The following SCEL variants were observed in gnomAD, a reference collection of about 807,000 sequenced individuals.
The protein encoded by SCEL is sciellin.
A neutral mutation model predicts 117.6 loss-of-function variants in SCEL; 113 were observed. The ratio of observed to expected loss-of-function variants is 0.96; its 90% CI spans 0.83 to 1.12. The LOEUF is 1.12. SCEL is among the 50% of genes most tolerant of loss of function. The pLI is 0.00. For synonymous variants in SCEL, 270 were observed against 256.2 expected (o/e 1.05, Z -0.51); for missense variants, 785 against 810.8 (o/e 0.97, Z 0.39).
intron 27 of SCEL, among the ~76,000 whole-genome samples, chr13:77,626,040 C>A (rs2089714415): frequency 6.6e-6 from 1 of 152,046 alleles, no homozygotes; most frequent in Non-Finnish European, 1.5e-5. Flanking sequence ...TCTCATGCTG[C>A]CAATAAAGAC....
chr13:77,615,841 A>G (rs1015544246), intron 24 of SCEL, among the ~76,000 whole-genome samples: 2 of 152,084 alleles, frequency 1.3e-5, no homozygotes, highest in African/African-American at 4.8e-5. Context: ...TATGTTTTCT[A>G]AGCTAATGTT....
intron 13 of SCEL, among the ~76,000 whole-genome samples, chr13:77,598,433 C>G (rs1160428685): frequency 6.6e-6 from 1 of 152,186 alleles, no homozygotes; most frequent in Non-Finnish European, 1.5e-5. Context: ...TGCTGCTCTT[C>G]AGTTTCCTCA....
In SCEL at chr13:77,559,871, T is replaced by C; in HGVS notation, c.221+8T>C. 1.2e-6 allele frequency: 2 copies of C among 1,609,162 alleles called. No homozygotes were observed. The highest frequency in any genetic ancestry group is 1.7e-6 in the Non-Finnish European group (2 of 1,175,656). On this transcript the variant is annotated splice_region_variant and intron_variant, in intron 4 of 32. Transcript: ENST00000349847. ...CCATGATGCATTGGACAGGTGGGTG[T>C]TTAGACATGTTACATCATGAGCAGA...
At chr13:77,580,033 G>A (rs1341140714) in intron 9 of SCEL, among the ~76,000 whole-genome samples, 1 of 152,200 alleles carries the variant, frequency 6.6e-6, no homozygotes, top group Non-Finnish European at 1.5e-5. Flanking sequence ...TGTTATGTGG[G>A]AAAATGTCTT....
chr13:77,570,680 T>C (rs2085546987), intron 8 of SCEL, among the ~76,000 whole-genome samples: 1 of 152,194 alleles, frequency 6.6e-6, no homozygotes, highest in Non-Finnish European at 1.5e-5. Context: ...ATCTTCAGTT[T>C]TCATCCATAT....
rs1421877432 is a variant in SCEL, at chr13:77,602,110, C to G, written c.963C>G (p.Asp321Glu). 1 of 1,610,668 alleles carries G rather than the reference C, an allele frequency of 6.2e-7. No homozygotes were observed. Among genetic ancestry groups the G allele is most frequent in the Non-Finnish European group, 8.5e-7 (1 of 1,178,640 alleles). ...GSPIKVNQRT[D>E]KNEKGRQNLE... ...CGATTAAAGTTAATCAAAGGACTGA[C>G]AAAAATGAGAAAGGGTAAGTCAATC... is the stretch of plus-strand genomic sequence containing the variant. The change falls in exon 16 of 33, where the codon GAC (aspartate) becomes GAG (glutamate). Residue 321 changes from aspartate to glutamate, a missense_variant. Asp to Glu is a conservative substitution (Grantham distance 45). Coordinates refer to ENST00000349847, the MANE Select transcript of SCEL (RefSeq NM_144777.3).
intron 31 of SCEL, 50 bp from the exon 32 acceptor site, chr13:77,642,656 T>A: frequency 8.9e-7 from 1 of 1,123,522 alleles, no homozygotes; most frequent in Non-Finnish European, 1.3e-6. Context: ...CCTCTAATAA[T>A]CTAGATTTCA....
At chr13:77,558,250 G>A (rs1305633139) in intron 3 of SCEL, among the ~76,000 whole-genome samples, 1 of 152,190 alleles carries the variant, frequency 6.6e-6, no homozygotes, top group Admixed American at 6.5e-5. Flanking sequence ...CAGCTTGGAT[G>A]GCATAGGAGC....
intron 9 of SCEL, 57 bp from the exon 10 acceptor site, chr13:77,589,087 A>G: frequency 7.9e-7 from 1 of 1,267,342 alleles, no homozygotes; most frequent in East Asian, 2.3e-5. Context: ...CAGTTAATAG[A>G]TGCTAAAATT....
At chr13:77,576,850 C>T (rs536249152) in intron 9 of SCEL, among the ~76,000 whole-genome samples, 23 of 152,092 alleles carry the variant, frequency 1.5e-4, no homozygotes, top group East Asian at 3.8e-4. Flanking sequence ...AGAGGTCCTT[C>T]GCTTCCCTTG....
chr13:77,603,711 C>T (rs117778740), intron 18 of SCEL, among the ~76,000 whole-genome samples: 3,605 of 152,192 alleles, frequency 0.024, 70 homozygotes, highest in East Asian at 0.088. Context: ...AATGGGGTGG[C>T]CTGTGTCCCC....
At chr13:77,580,192 T>A (rs2086188737) in intron 9 of SCEL, among the ~76,000 whole-genome samples, 1 of 152,214 alleles carries the variant, frequency 6.6e-6, no homozygotes, top group South Asian at 2.1e-4. Context: ...TTGGAATATG[T>A]ACAAAAGAAA....
chr13:77,592,702 G>A (rs919823366), intron 11 of SCEL, among the ~76,000 whole-genome samples: 4 of 151,652 alleles, frequency 2.6e-5, no homozygotes, highest in South Asian at 2.1e-4. Flanking sequence ...GGGACTACGC[G>A]CACAGGCCAC....
rs1163940886 is a variant in SCEL, at chr13:77,555,842, C to T, written c.-19-15C>T. 3.2e-6 allele frequency: 5 copies of T among 1,576,484 alleles called. No individual in the cohort carries two copies. The highest frequency in any genetic ancestry group is 4.4e-6 in the Non-Finnish European group (5 of 1,146,538). ...GTCATTGATGTGCTTTCTCTATTTCCCATTTTTCTTTTAGGTCCTTACTGG... is the reference window on the plus strand; with the variant it reads ...GTCATTGATGTGCTTTCTCTATTTCTCATTTTTCTTTTAGGTCCTTACTGG... On this transcript the variant is annotated splice_polypyrimidine_tract_variant and intron_variant, in intron 1 of 32. Coordinates refer to ENST00000349847, the MANE Select transcript of SCEL (RefSeq NM_144777.3).
chr13:77,550,776 T>A (rs1000039649), intron 1 of SCEL, among the ~76,000 whole-genome samples: 1 of 152,206 alleles, frequency 6.6e-6, no homozygotes, highest in African/African-American at 2.4e-5. Context: ...TGATGGACAT[T>A]GGGGTTGTTT....
intron 9 of SCEL, among the ~76,000 whole-genome samples, chr13:77,582,818 T>C (rs2086340849): frequency 6.6e-6 from 1 of 151,860 alleles, no homozygotes; most frequent in Middle Eastern, 3.4e-3. Flanking sequence ...CACAAAAATT[T>C]CTTCTGTTTT....
chr13:77,603,961 A>G (rs1216384206), intron 18 of SCEL, among the ~76,000 whole-genome samples: 1 of 152,208 alleles, frequency 6.6e-6, no homozygotes, highest in Non-Finnish European at 1.5e-5. Context: ...AGAATAGGCA[A>G]TTGTATCCAG....
intron 9 of SCEL, among the ~76,000 whole-genome samples, chr13:77,576,555 C>G (rs576339797): frequency 6.6e-6 from 1 of 152,306 alleles, no homozygotes; most frequent in East Asian, 1.9e-4. Context: ...CACTCCAGAT[C>G]TCTTCTCTGA....
In SCEL at chr13:77,556,589, T is replaced by G. The variant is rs1306314323; in HGVS notation, c.44-7T>G. On this transcript the variant is annotated splice_region_variant and splice_polypyrimidine_tract_variant and intron_variant, in intron 2 of 32. Transcript: ENST00000349847. ...CATCTTCCAGTCTTTCATGTTTCTG[T>G]TGATAGAGATGAAGAGCACCACTCA... 1 of 1,608,992 alleles carries G rather than the reference T, an allele frequency of 6.2e-7. No homozygotes were observed. The highest frequency in any genetic ancestry group is 8.5e-7 in the Non-Finnish European group (1 of 1,175,590).
Sources: allele counts gnomAD v4.1 joint callset (sites outside exome capture counted in the v4.1 genomes callset), GRCh38; gene constraint gnomAD v4.1.1; transcripts MANE v1.5; gene names NCBI Gene and HGNC (gene_info 2026-07-23, HGNC 2026-07-21).